CACNB4: variants seen among roughly 807,000 people sequenced by gnomAD.
CACNB4 encodes calcium voltage-gated channel auxiliary subunit beta 4.
A neutral mutation model predicts 71.2 loss-of-function variants in CACNB4; 32 were observed. That is an observed-to-expected ratio of 0.45 (90% CI 0.34 to 0.60). The LOEUF (loss-of-function observed/expected upper bound fraction) is 0.60. CACNB4 is among the 20% of genes least tolerant of loss of function. CACNB4 has a pLI of 0.01. For missense variants in CACNB4, 464 were observed against 647.9 expected (o/e 0.72, Z 3.08); for synonymous variants, 231 against 236.9 (o/e 0.97, Z 0.23).
intron 2 of CACNB4, among the ~76,000 whole-genome samples, chr2:151,992,301 C>T (rs1372416394): frequency 6.6e-6 from 1 of 152,222 alleles, no homozygotes; most frequent in African/African-American, 2.4e-5. Flanking sequence ...GGGTATAAGA[C>T]AATGCAGCAT....
intron 3 of CACNB4, 22 bp downstream of exon 3, chr2:151,883,229 A>G (rs1310773584): frequency 1.9e-6 from 3 of 1,613,522 alleles, no homozygotes; most frequent in Non-Finnish European, 2.5e-6. Context: ...CTTTTGAGCC[A>G]AAGAGAAGGA....
In CACNB4 at chr2:151,959,992, G is replaced by T. The variant is rs1051328752; in HGVS notation, c.148-76622C>A. Among the ~76,000 whole-genome samples, 5 of 152,268 alleles carry T rather than the reference G, an allele frequency of 3.3e-5. No homozygotes were observed. In the South Asian group the frequency reaches 1.0e-3, roughly 32 times the overall value. On this transcript the variant is annotated intron_variant, in intron 2 of 13. Transcript: ENST00000539935. ...CTTCAGTTACAAGATCTGCCTCACC[G>T]TTCTTATAACACTGCACTCTACACT...
intron 12 of CACNB4, among the ~76,000 whole-genome samples, chr2:151,847,231 T>C (rs1476963682): frequency 1.3e-5 from 2 of 151,178 alleles, no homozygotes; most frequent in East Asian, 3.9e-4. Flanking sequence ...AATCAAAAAA[T>C]GAGCTGGGCT....
intron 2 of CACNB4, among the ~76,000 whole-genome samples, chr2:151,895,131 C>T (rs905154740): frequency 5.4e-5 from 8 of 149,374 alleles, no homozygotes; most frequent in African/African-American, 2.0e-4. Context: ...CACACACACA[C>T]ACACACACAC....
intron 2 of CACNB4, among the ~76,000 whole-genome samples, chr2:151,962,154 C>T (rs58371252): frequency 0.092 from 13,923 of 152,154 alleles, 1,556 homozygotes; most frequent in East Asian, 0.57. Flanking sequence ...TGGCTTCCTC[C>T]TTGTGGGATG....
chr2:151,850,001 G>A (rs139205641), intron 12 of CACNB4, among the ~76,000 whole-genome samples: 164 of 152,142 alleles, frequency 1.1e-3, no homozygotes, highest in African/African-American at 3.9e-3. Flanking sequence ...TTTTGCAAAG[G>A]AGTCTATATA....
intron 2 of CACNB4, among the ~76,000 whole-genome samples, chr2:152,069,672 C>A (rs984189551): frequency 6.6e-6 from 1 of 151,906 alleles, no homozygotes; most frequent in African/African-American, 2.4e-5. Context: ...AAATGAAACT[C>A]TCAGGTGATC....
At chr2:151,955,957 C>T (rs1426013467) in intron 2 of CACNB4, among the ~76,000 whole-genome samples, 1 of 151,500 alleles carries the variant, frequency 6.6e-6, no homozygotes, top group Non-Finnish European at 1.5e-5. Flanking sequence ...AATTCAAAGT[C>T]TATAAAGTCT....
chr2:152,067,590 C>T (rs1386312540), intron 2 of CACNB4, among the ~76,000 whole-genome samples: 1 of 152,124 alleles, frequency 6.6e-6, no homozygotes, highest in Admixed American at 6.5e-5. Context: ...GATCTCATCC[C>T]AAATAAACTA....
chr2:151,990,047 C>T (rs193051726), intron 2 of CACNB4, among the ~76,000 whole-genome samples: 3 of 152,266 alleles, frequency 2.0e-5, no homozygotes, highest in East Asian at 3.9e-4. Flanking sequence ...ACTGTGCCCA[C>T]CCCTCAAGTC....
chr2:152,023,021 CA>C (rs1187724262), intron 2 of CACNB4, among the ~76,000 whole-genome samples: 2 of 151,742 alleles, frequency 1.3e-5, no homozygotes, highest in Non-Finnish European at 2.9e-5. Flanking sequence ...CACAGTTCTG[CA>C]AGACTGGGAA....
chr2:152,005,322 C>T (rs550039045), intron 2 of CACNB4, among the ~76,000 whole-genome samples: 55 of 152,312 alleles, frequency 3.6e-4, no homozygotes, highest in Middle Eastern at 3.4e-3. Flanking sequence ...ACATATACAT[C>T]AGGGAATACT....
At chr2:151,981,153 G>A (rs36074400) in intron 2 of CACNB4, among the ~76,000 whole-genome samples, 3 of 152,144 alleles carry the variant, frequency 2.0e-5, no homozygotes, top group Non-Finnish European at 2.9e-5. Context: ...ACCAGTGGGC[G>A]AATCACATAA....
chr2:152,093,066 G>C (rs1413608980), intron 2 of CACNB4, among the ~76,000 whole-genome samples: 1 of 152,034 alleles, frequency 6.6e-6, no homozygotes, highest in Non-Finnish European at 1.5e-5. Flanking sequence ...TGAAACCAGG[G>C]AATGCAAAAA....
chr2:151,862,702 C>A (rs907480556), intron 9 of CACNB4, among the ~76,000 whole-genome samples: 8 of 152,152 alleles, frequency 5.3e-5, no homozygotes, highest in Non-Finnish European at 1.2e-4. Context: ...ACTGGTGTAA[C>A]AACTTTTTCA....
At chr2:151,974,048 G>A in intron 2 of CACNB4, 13 of 959,846 alleles carry the variant, frequency 1.4e-5, no homozygotes, top group Non-Finnish European at 1.7e-5. Context: ...TTCCCTCGGA[G>A]AGTGGAGGGC....
chr2:151,897,515 C>T (rs910339868), intron 2 of CACNB4, among the ~76,000 whole-genome samples: 1 of 151,812 alleles, frequency 6.6e-6, no homozygotes, highest in Admixed American at 6.6e-5. Context: ...TTTTTTGGAC[C>T]AAACAAATAG....
chr2:151,957,766 C>T (rs1435241950), intron 2 of CACNB4, among the ~76,000 whole-genome samples: 4 of 152,170 alleles, frequency 2.6e-5, no homozygotes, highest in Non-Finnish European at 2.9e-5. Context: ...ATCTATTTAA[C>T]GTTAACTTCA....
At chr2:152,006,472 G>A (rs763815911) in intron 2 of CACNB4, among the ~76,000 whole-genome samples, 4 of 148,160 alleles carry the variant, frequency 2.7e-5, no homozygotes, top group East Asian at 2.0e-4. Context: ...ATGCAGTCTC[G>A]GCTCACTGAA....
Sources: allele counts gnomAD v4.1 joint callset (sites outside exome capture counted in the v4.1 genomes callset), GRCh38; gene constraint gnomAD v4.1.1; transcripts MANE v1.5; gene names NCBI Gene and HGNC (gene_info 2026-07-23, HGNC 2026-07-21).